EHBP1: variants seen among roughly 807,000 people sequenced by gnomAD.
EHBP1 encodes EH domain binding protein 1.
In EHBP1, 55 loss-of-function variants were observed where a neutral mutation model predicts 144.0. The observed-to-expected ratio is 0.38, with a 90% confidence interval of 0.31 to 0.48. The LOEUF is 0.48. Ranked by LOEUF, EHBP1 falls within the 20% of genes least tolerant of loss-of-function variation. The pLI is 0.98. For synonymous variants in EHBP1, 469 were observed against 472.7 expected, an observed-to-expected ratio of 0.99 and a Z score of 0.10; for missense variants, 1,200 against 1,364.2, an observed-to-expected ratio of 0.88 and a Z score of 1.90.
chr2:62,988,083 CT>C, intron 15 of EHBP1: 1 of 1,074,518 alleles, frequency 9.3e-7, no homozygotes, highest in Non-Finnish European at 1.4e-6. Context: ...GCATGGCAAA[CT>C]TTATGGTTAT....
chr2:62,808,917 CT>C (rs1333135403), intron 5 of EHBP1, among the ~76,000 whole-genome samples: 1 of 152,164 alleles, frequency 6.6e-6, no homozygotes, highest in African/African-American at 2.4e-5. Context: ...TTGAGTATTT[CT>C]CTTCTCCCAG....
intron 2 of EHBP1, among the ~76,000 whole-genome samples, chr2:62,744,832 ACACT>A (rs1191511671): frequency 1.3e-5 from 2 of 152,064 alleles, no homozygotes; most frequent in African/African-American, 4.8e-5. Flanking sequence ...TGTAGGGGAC[ACACT>A]CTCATTGCCA....
At chr2:62,898,785 G>A (rs2053156534) in intron 10 of EHBP1, among the ~76,000 whole-genome samples, 1 of 152,196 alleles carries the variant, frequency 6.6e-6, no homozygotes, top group African/African-American at 2.4e-5. Flanking sequence ...GAAGAGGGGA[G>A]AAAAGAGGAT....
intron 2 of EHBP1, among the ~76,000 whole-genome samples, chr2:62,731,980 A>C (rs1168787382): frequency 6.6e-6 from 1 of 152,134 alleles, no homozygotes; most frequent in Non-Finnish European, 1.5e-5. Context: ...CTGGATACAG[A>C]ATTCTAGGTT....
At chr2:62,847,561 A>G (rs2048378230) in intron 7 of EHBP1, among the ~76,000 whole-genome samples, 1 of 152,206 alleles carries the variant, frequency 6.6e-6, no homozygotes, top group Admixed American at 6.5e-5. Flanking sequence ...AAAGCTAGGC[A>G]TAGTGGCACG....
At chr2:62,754,512 T>C (rs2040075070) in intron 3 of EHBP1, among the ~76,000 whole-genome samples, 1 of 152,196 alleles carries the variant, frequency 6.6e-6, no homozygotes, top group South Asian at 2.1e-4. Context: ...ACTACTCTCT[T>C]CAAAGCTGTC....
chr2:62,994,673 T>A (rs2059562106), intron 18 of EHBP1, among the ~76,000 whole-genome samples: 1 of 152,116 alleles, frequency 6.6e-6, no homozygotes, highest in Non-Finnish European at 1.5e-5. Flanking sequence ...ATCTACAGTT[T>A]TTCTAGGTAT....
At chr2:62,901,398 G>A (rs2053401272) in intron 10 of EHBP1, among the ~76,000 whole-genome samples, 1 of 152,164 alleles carries the variant, frequency 6.6e-6, no homozygotes, top group African/African-American at 2.4e-5. Context: ...CTGTAGTTCA[G>A]TGTCTGTTCA....
At chr2:62,883,927 G>A (rs912136023) in intron 10 of EHBP1, among the ~76,000 whole-genome samples, 24 of 152,176 alleles carry the variant, frequency 1.6e-4, no homozygotes, top group East Asian at 5.8e-4. Flanking sequence ...GCCGTGATGC[G>A]TCACTGCACT....
chr2:62,946,330 T>G (rs1222192720), intron 12 of EHBP1, among the ~76,000 whole-genome samples: 1 of 152,216 alleles, frequency 6.6e-6, no homozygotes, highest in African/African-American at 2.4e-5. Context: ...ATTAAAATTT[T>G]TTTTCAATTA....
intron 7 of EHBP1, among the ~76,000 whole-genome samples, chr2:62,851,330 A>AGTAAG (rs2048680314): frequency 6.6e-6 from 1 of 152,146 alleles, no homozygotes; most frequent in Admixed American, 6.6e-5. Context: ...CTTAAACTCC[A>AGTAAG]ATTTGCAGTT....
chr2:62,724,591 C>G (rs2036559233), intron 2 of EHBP1, among the ~76,000 whole-genome samples: 1 of 150,560 alleles, frequency 6.6e-6, no homozygotes, highest in Non-Finnish European at 1.5e-5. Context: ...CCTTTTTCAT[C>G]TTTATGGGCT....
At chr2:62,865,031 C>G in intron 9 of EHBP1, 60 bp downstream of exon 9, 5 of 1,554,092 alleles carry the variant, frequency 3.2e-6, no homozygotes, top group Non-Finnish European at 4.4e-6. Context: ...TAAAGAGATC[C>G]TTTTGTAATG....
intron 2 of EHBP1, among the ~76,000 whole-genome samples, chr2:62,717,921 T>C (rs1303402625): frequency 6.6e-6 from 1 of 152,152 alleles, no homozygotes; most frequent in African/African-American, 2.4e-5. Flanking sequence ...TTGCTGCTAT[T>C]GGAGACTGGA....
chr2:62,876,998 A>C (rs1380743907), intron 10 of EHBP1, among the ~76,000 whole-genome samples: 1 of 152,216 alleles, frequency 6.6e-6, no homozygotes, highest in African/African-American at 2.4e-5. Flanking sequence ...CACATATGAC[A>C]ATATTAACCT....
At chr2:63,019,690 G>A (rs992776585) in intron 19 of EHBP1, among the ~76,000 whole-genome samples, 8 of 147,438 alleles carry the variant, frequency 5.4e-5, no homozygotes, top group Non-Finnish European at 8.9e-5. Flanking sequence ...CTGGGCAACA[G>A]AGCGAGACTC....
rs1220076204 is a variant in EHBP1 at position 62,955,673 on chromosome 2, G to T, written c.2460+13G>T. The stretch of plus-strand genomic sequence containing the variant: ...GCAGCTAAGTGATGTGAGGAGCATT[G>T]GTTAAAAAAGACCATAAGTTGTTCA... On this transcript the variant is annotated intron_variant, in intron 14 of 22. Transcript: ENST00000431489. 5.7e-6 allele frequency: 9 copies of T among 1,591,988 alleles called. No homozygotes were observed. Among genetic ancestry groups the T allele is most frequent in the African/African-American group, 1.4e-5 (1 of 73,824 alleles).
intron 2 of EHBP1, among the ~76,000 whole-genome samples, chr2:62,710,323 G>A (rs546458316): frequency 4.6e-5 from 7 of 151,778 alleles, no homozygotes; most frequent in South Asian, 2.1e-4. Flanking sequence ...GTATGAATAC[G>A]TATTATATTT....
intron 21 of EHBP1, among the ~76,000 whole-genome samples, chr2:63,042,346 T>C (rs1163037545): frequency 3.9e-5 from 6 of 152,114 alleles, no homozygotes; most frequent in Non-Finnish European, 8.8e-5. Context: ...ACATATATAT[T>C]ATATAATTTA....
Sources: allele counts gnomAD v4.1 joint callset (sites outside exome capture counted in the v4.1 genomes callset), GRCh38; gene constraint gnomAD v4.1.1; transcripts MANE v1.5; gene names NCBI Gene and HGNC (gene_info 2026-07-23, HGNC 2026-07-21).